IMPA1: variants seen among roughly 807,000 people sequenced by gnomAD.
IMPA1 encodes the protein D-galactose 1-phosphate phosphatase.
IMPA1 carries 21 observed loss-of-function variants against 34.9 expected under a neutral mutation model. The observed-to-expected ratio is 0.60, with a 90% CI of 0.43 to 0.87. IMPA1 has a LOEUF of 0.87. Among genes scored for constraint, IMPA1 ranks in the 40% least tolerant of loss-of-function variants. The pLI is 0.00. For missense variants in IMPA1, 299 were observed against 336.4 expected (o/e 0.89, Z 0.87); for synonymous variants, 95 against 104.4 (o/e 0.91, Z 0.55).
intron 7 of IMPA1, among the ~76,000 whole-genome samples, chr8:81,661,698 T>C (rs1215399958): frequency 1.3e-5 from 2 of 152,240 alleles, no homozygotes; most frequent in African/African-American, 2.4e-5. Flanking sequence ...TTTTCAAAAT[T>C]TGAATAAAGT....
rs190693412 is a variant in IMPA1 at position 81,659,261 on chromosome 8, C to G, written c.*90G>C. 1.3e-6 allele frequency: 1 copy of G among 765,838 alleles called. No individual in the cohort carries two copies. The highest frequency in any genetic ancestry group is 2.5e-5 in the East Asian group (1 of 40,110). 47.4% of individuals were successfully genotyped at this position (765,838 alleles called of 1,614,324 possible). A position where few individuals can be genotyped will look rare whatever the true frequency, so the allele number is the denominator to read the frequency against. On this transcript the variant is annotated 3_prime_UTR_variant, in exon 9 of 9. Coordinates refer to ENST00000256108, the MANE Select transcript of IMPA1 (RefSeq NM_005536.4). ...TGACCTGGACAAAGAGAATTTAAAC[C>G]AAGCATATCATACATCCAAAACACA...
chr8:81,680,817 G>A (rs1807278298), intron 2 of IMPA1, 34 bp from the exon 3 acceptor site: 1 of 1,486,564 alleles, frequency 6.7e-7, no homozygotes, highest in Non-Finnish European at 9.3e-7. Context: ...AATAGAAAAG[G>A]CATAATTTTA....
At chr8:81,666,811 A>G (rs889319128) in intron 7 of IMPA1, among the ~76,000 whole-genome samples, 1 of 139,136 alleles carries the variant, frequency 7.2e-6, no homozygotes, top group Non-Finnish European at 1.5e-5. Flanking sequence ...CGCAGGTTGC[A>G]GTGAACCGAG....
Position 81,664,725 on chromosome 8 carries a change from G to A in IMPA1, c.567-4058C>T, listed in dbSNP as rs148446043. Among the ~76,000 whole-genome samples, 139 of 152,058 alleles carry A rather than the reference G, an allele frequency of 9.1e-4. 1 individual carries two copies. Among genetic ancestry groups the A allele is most frequent in the African/African-American group, 3.2e-3 (133 of 41,450 alleles). On this transcript the variant is annotated intron_variant, in intron 7 of 8. Coordinates refer to ENST00000256108, the MANE Select transcript of IMPA1 (RefSeq NM_005536.4). Reference sequence around the variant, plus strand: ...AGGAAAAGTAGGAACTAAGGGGTGCGGGGACGGGGGAGGGATAGCATTAGG... The same window carrying A: ...AGGAAAAGTAGGAACTAAGGGGTGCAGGGACGGGGGAGGGATAGCATTAGG...
chr8:81,665,863 C>T (rs567003189), intron 7 of IMPA1, among the ~76,000 whole-genome samples: 1 of 152,332 alleles, frequency 6.6e-6, no homozygotes, highest in East Asian at 1.9e-4. Context: ...GCCAAGCTGT[C>T]CTTCAAGTCT....
rs73283097 is a variant in IMPA1 at position 81,686,323 on chromosome 8, G to T, written c.-96C>A. On this transcript the variant is annotated 5_prime_UTR_variant, in exon 1 of 9. Transcript: ENST00000256108. ...ACTCGTCTCTTCCGGAGGTAGAGGG[G>T]CTACTCGCAACAGGAAGTTCCGCCC... 4,306 of 986,982 alleles carry T rather than the reference G, an allele frequency of 4.4e-3. 137 individuals are homozygous for T. In the African/African-American group the frequency reaches 0.068, roughly 16 times the overall value. 61.1% of individuals were successfully genotyped at this position (986,982 alleles called of 1,614,324 possible).
intron 4 of IMPA1, among the ~76,000 whole-genome samples, chr8:81,677,560 A>G (rs1033094456): frequency 1.3e-5 from 2 of 152,236 alleles, no homozygotes; most frequent in Non-Finnish European, 2.9e-5. Context: ...CAGTCTGAAC[A>G]CAGGTTGTAA....
intron 1 of IMPA1, 164 bp downstream of exon 1, chr8:81,686,068 TTCCCGGTCGCCCAGGGCAGC>T (rs2130349372): frequency 1.9e-6 from 2 of 1,039,528 alleles, no homozygotes; most frequent in East Asian, 6.6e-5. Context: ...GCCGGAACTG[TTCCCGGTCGCCCAGGGCAGC>T]TCCGGATAAC....
In IMPA1 at chr8:81,686,280, T is replaced by C. The variant is rs373994039; in HGVS notation, c.-53A>G. 9.1e-6 allele frequency: 9 copies of C among 993,212 alleles called. No homozygotes were observed. The highest frequency in any genetic ancestry group is 2.2e-4 in the East Asian group (2 of 9,206). The allele number at this position is 993,212 out of a possible 1,614,324, so 61.5% of individuals were successfully genotyped here. ...GAGTCGGAGGACGTCCGGCTAGCTC[T>C]GTGAACGGTGTTACCGCACTCGTCT... On this transcript the variant is annotated 5_prime_UTR_variant, in exon 1 of 9. Coordinates refer to ENST00000256108, the MANE Select transcript of IMPA1 (RefSeq NM_005536.4).
chr8:81,685,506 C>G (rs1447796857), intron 1 of IMPA1, among the ~76,000 whole-genome samples: 1 of 141,706 alleles, frequency 7.1e-6, no homozygotes, highest in East Asian at 2.0e-4. Context: ...AGTATATATA[C>G]GTAAGTATAT....
At chr8:81,659,953 A>G (rs1160057025) in intron 8 of IMPA1, among the ~76,000 whole-genome samples, 1 of 152,096 alleles carries the variant, frequency 6.6e-6, no homozygotes, top group Non-Finnish European at 1.5e-5. Context: ...TCCATCATCA[A>G]CTATCACCAT....
Position 81,658,509 on chromosome 8 carries a change from G to T in IMPA1, c.*842C>A, listed in dbSNP as rs1806579417. ...TGTTATATTGTATCTAATTATGTCA[G>T]ATATCTGATGAGAGTGCTTTTTATT... is the stretch of plus-strand genomic sequence containing the variant. On this transcript the variant is annotated 3_prime_UTR_variant, in exon 9 of 9. Transcript: ENST00000256108. 1 of 152,522 alleles carries T rather than the reference G, an allele frequency of 6.6e-6. No individual in the cohort carries two copies. The allele number at this position is 152,522 out of a possible 1,614,324, so 9.4% of individuals were successfully genotyped here. A position where few individuals can be genotyped will look rare whatever the true frequency, so the allele number is the denominator to read the frequency against.
At chr8:81,669,799 T>C (rs1052321660) in intron 7 of IMPA1, among the ~76,000 whole-genome samples, 2 of 152,170 alleles carry the variant, frequency 1.3e-5, no homozygotes, top group Non-Finnish European at 2.9e-5. Flanking sequence ...CCAAAACTCA[T>C]ATGGAAACTT....
At chr8:81,661,879 C>T (rs546083089) in intron 7 of IMPA1, among the ~76,000 whole-genome samples, 120 of 152,322 alleles carry the variant, frequency 7.9e-4, no homozygotes, top group Middle Eastern at 3.4e-3. Flanking sequence ...CAAATTCCTT[C>T]TCCAACTGTT....
chr8:81,663,660 ATTATG>A (rs1429432904), intron 7 of IMPA1, among the ~76,000 whole-genome samples: 1 of 152,228 alleles, frequency 6.6e-6, no homozygotes, highest in Non-Finnish European at 1.5e-5. Flanking sequence ...TGGTGAAAAT[ATTATG>A]TTGTTATTTA....
intron 4 of IMPA1, among the ~76,000 whole-genome samples, chr8:81,676,968 T>G (rs115026907): frequency 3.3e-4 from 50 of 152,268 alleles, no homozygotes; most frequent in African/African-American, 1.2e-3. Context: ...CATGCCAGCC[T>G]GGGTGACAGA....
rs1469195806 is a variant in IMPA1, at chr8:81,680,634, C to G, written c.197+16G>C. On this transcript the variant is annotated intron_variant, in intron 3 of 8. Transcript: ENST00000256108. ...TGAGATAATAAACATTTCTTGTACA[C>G]AGTAAATAAAAATACCTGTGAGATG... 2 of 1,578,762 alleles carry G rather than the reference C, an allele frequency of 1.3e-6. No homozygotes were observed. Among genetic ancestry groups the G allele is most frequent in the Non-Finnish European group, 1.7e-6 (2 of 1,151,218 alleles).
chr8:81,679,550 T>C (rs1585901966), intron 3 of IMPA1, among the ~76,000 whole-genome samples: 1 of 151,156 alleles, frequency 6.6e-6, no homozygotes, highest in Non-Finnish European at 1.5e-5. Context: ...TAGGCGGAGG[T>C]TGCAGTGAGC....
intron 3 of IMPA1, among the ~76,000 whole-genome samples, chr8:81,679,456 T>C (rs1807227479): frequency 6.6e-6 from 1 of 151,770 alleles, no homozygotes; most frequent in Admixed American, 6.6e-5. Flanking sequence ...CTATTAAAAA[T>C]ACAAAAATTA....
Sources: gnomAD v4.1 joint callset for allele counts (sites outside exome capture counted in the v4.1 genomes callset) on GRCh38, gnomAD v4.1.1 for gene constraint, MANE v1.5 for transcripts, NCBI Gene and HGNC (gene_info 2026-07-23, HGNC 2026-07-21) for gene names.